The following CAMTA1 variants were observed in gnomAD, a reference collection of about 807,000 sequenced individuals.
CAMTA1 encodes calmodulin binding transcription activator 1.
Under a neutral mutation model 170.9 loss-of-function variants are expected in CAMTA1, and 27 were observed. The observed-to-expected ratio is 0.16, with a 90% CI of 0.12 to 0.22. The LOEUF is 0.22. Among genes scored for constraint, CAMTA1 ranks in the 10% least tolerant of loss-of-function variants. The pLI, the probability that CAMTA1 is intolerant of heterozygous loss-of-function variation, is 1.00. For synonymous variants in CAMTA1, 833 were observed against 891.5 expected (o/e 0.93, Z 1.17); for missense variants, 1,619 against 2,217.2 (o/e 0.73, Z 5.42).
At chr1:7,170,657 T>C (rs1218594563) in intron 4 of CAMTA1, among the ~76,000 whole-genome samples, 2 of 152,242 alleles carry the variant, frequency 1.3e-5, no homozygotes, top group Admixed American at 1.3e-4. Flanking sequence ...TTGTTTTATA[T>C]GGCTGCGTAG....
At chr1:6,954,193 C>T (rs1255647770) in intron 3 of CAMTA1, among the ~76,000 whole-genome samples, 3 of 152,310 alleles carry the variant, frequency 2.0e-5, no homozygotes, top group South Asian at 4.1e-4. Context: ...TTCTAAATGA[C>T]GCCCTGGCTG....
chr1:7,398,181 C>CTT (rs2089512754), intron 5 of CAMTA1, among the ~76,000 whole-genome samples: 1 of 45,556 alleles, frequency 2.2e-5, no homozygotes, highest in African/African-American at 8.4e-5. Context: ...CTCTCTCTCT[C>CTT]TCTCTCTCTC....
rs552768631 is a variant in CAMTA1, at chr1:6,967,146, C to T, written c.235-124158C>T. ...GTCCCAGCTGCTTGGGAAGCTGAGACAGGAGAATTGCTTGAACCCAGGAGG... is the reference window on the plus strand; with the variant it reads ...GTCCCAGCTGCTTGGGAAGCTGAGATAGGAGAATTGCTTGAACCCAGGAGG... On this transcript the variant is annotated intron_variant, in intron 3 of 22. Coordinates refer to ENST00000303635, the MANE Select transcript of CAMTA1 (RefSeq NM_015215.4). Among the ~76,000 whole-genome samples, 16 of 151,904 alleles carry T rather than the reference C, an allele frequency of 1.1e-4. No homozygotes were observed. The East Asian group carries it at 2.8e-3, about 26-fold the overall frequency.
intron 6 of CAMTA1, among the ~76,000 whole-genome samples, chr1:7,518,053 G>A (rs2094310727): frequency 6.6e-6 from 1 of 151,986 alleles, no homozygotes; most frequent in South Asian, 2.1e-4. Context: ...GGGGACAAGA[G>A]GACATATGAG....
chr1:7,159,718 A>C (rs1208313915), intron 4 of CAMTA1, among the ~76,000 whole-genome samples: 1 of 151,982 alleles, frequency 6.6e-6, no homozygotes, highest in Non-Finnish European at 1.5e-5. Flanking sequence ...TAATTAAAAA[A>C]AATTTTTTTT....
rs114448882 is a variant in CAMTA1 at position 6,904,556 on chromosome 1, T to C, written c.234+79346T>C. On this transcript the variant is annotated intron_variant, in intron 3 of 22. Transcript: ENST00000303635. The stretch of plus-strand genomic sequence containing the variant: ...AGCCTTTTTTTTTCTTTCTTTCTTT[T>C]TTTTTTTTTAATTTTTGAGACAGAG... Among the ~76,000 whole-genome samples the C allele has an allele frequency of 4.1e-3, 619 of 151,376 alleles. 5 individuals carry two copies. Among genetic ancestry groups the C allele is most frequent in the African/African-American group, 0.013 (523 of 41,338 alleles).
At chr1:7,507,806 C>A (rs2094143231) in intron 6 of CAMTA1, among the ~76,000 whole-genome samples, 1 of 152,204 alleles carries the variant, frequency 6.6e-6, no homozygotes, top group African/African-American at 2.4e-5. Flanking sequence ...GAGCGGGCAG[C>A]CTCTGCCACC....
intron 5 of CAMTA1, among the ~76,000 whole-genome samples, chr1:7,437,147 T>A (rs965507735): frequency 4.6e-5 from 7 of 151,960 alleles, no homozygotes; most frequent in African/African-American, 1.7e-4. Flanking sequence ...CCCAGCCCTA[T>A]CCTCCCCGGA....
At chr1:6,822,199 A>G (rs1293813816) in intron 2 of CAMTA1, among the ~76,000 whole-genome samples, 1 of 152,180 alleles carries the variant, frequency 6.6e-6, no homozygotes, top group African/African-American at 2.4e-5. Context: ...TTCACTCAAG[A>G]TACTATTATT....
intron 5 of CAMTA1, among the ~76,000 whole-genome samples, chr1:7,409,111 C>G (rs2090514894): frequency 6.6e-6 from 1 of 152,168 alleles, no homozygotes; most frequent in Admixed American, 6.5e-5. Flanking sequence ...ACACATGGAG[C>G]CCAAGGGCTC....
In CAMTA1 at chr1:7,738,226, C is replaced by A. The variant is rs1005638065; in HGVS notation, c.3926C>A (p.Ala1309Glu). The change falls in exon 16 of 23, where the codon GCA becomes GAA. Residue 1309 changes from alanine (A) to glutamate (E), a missense_variant. By Grantham distance (107) the Ala-to-Glu change is moderately radical. Coordinates refer to ENST00000303635, the MANE Select transcript of CAMTA1 (RefSeq NM_015215.4). The surrounding 1 kb of genome is among the most constrained non-coding windows in gnomAD (Gnocchi z 4.9). Reference protein sequence around the residue: ...ELSPPTPETAAFQASGSQPVG... With the variant: ...ELSPPTPETAEFQASGSQPVG... ...TCCCCTCCCACTCCAGAGACTGCAG[C>A]ATTTCAAGCCTCTGGATCTCAGCCT... 1.9e-6 allele frequency: 3 copies of A among 1,614,058 alleles called. No homozygotes were observed. Among genetic ancestry groups the A allele is most frequent in the Middle Eastern group, 1.6e-4 (1 of 6,062 alleles).
At position 7,761,044 on chromosome 1, in the gene CAMTA1, T is replaced by C. The variant is rs114408599; in HGVS notation, c.4989+5376T>C. On this transcript the variant is annotated intron_variant, in intron 22 of 22. Transcript: ENST00000303635. ...AAACCCTGTGGGCTTTTGCTGGCTT[T>C]CAGTGCTGTTGCTTACGACATCACT... 9.4e-3 allele frequency among the ~76,000 whole-genome samples: 1,439 copies of C among 152,324 alleles called. 16 individuals carry two copies. Among genetic ancestry groups the C allele is most frequent in the African/African-American group, 0.031 (1,303 of 41,566 alleles).
At chr1:7,440,737 C>A (rs2149405653) in intron 5 of CAMTA1, among the ~76,000 whole-genome samples, 1 of 152,332 alleles carries the variant, frequency 6.6e-6, no homozygotes, top group East Asian at 1.9e-4. Flanking sequence ...CAGAGGCAGC[C>A]TGACCAAACC....
chr1:7,073,263 T>G (rs1337158192), intron 3 of CAMTA1, among the ~76,000 whole-genome samples: 1 of 152,022 alleles, frequency 6.6e-6, no homozygotes, highest in Non-Finnish European at 1.5e-5. Context: ...GGTGTGAGTG[T>G]GGGTGTGATG....
intron 4 of CAMTA1, among the ~76,000 whole-genome samples, chr1:7,131,982 G>C (rs1010466259): frequency 6.6e-6 from 1 of 152,074 alleles, no homozygotes; most frequent in African/African-American, 2.4e-5. Context: ...CTGAACCTGG[G>C]AGGGAGGTTG....
chr1:7,710,301 C>A (rs2096559738), intron 11 of CAMTA1, among the ~76,000 whole-genome samples: 1 of 152,084 alleles, frequency 6.6e-6, no homozygotes, highest in African/African-American at 2.4e-5. Flanking sequence ...GACTGGCTTA[C>A]ATAAAAAAGG....
intron 1 of CAMTA1, among the ~76,000 whole-genome samples, chr1:6,817,131 T>C (rs964728404): frequency 1.3e-5 from 2 of 152,196 alleles, no homozygotes; most frequent in African/African-American, 2.4e-5. Flanking sequence ...GATTTACTTA[T>C]TGTTAGACTT....
intron 6 of CAMTA1, among the ~76,000 whole-genome samples, chr1:7,594,681 A>G (rs2150514074): frequency 6.6e-6 from 1 of 152,290 alleles, no homozygotes; most frequent in Non-Finnish European, 1.5e-5. Flanking sequence ...GAGGTCTGGG[A>G]CCTATTTTGA....
intron 3 of CAMTA1, among the ~76,000 whole-genome samples, chr1:6,911,663 C>G (rs1316624874): frequency 2.0e-5 from 3 of 152,198 alleles, no homozygotes; most frequent in African/African-American, 7.2e-5. Flanking sequence ...CAGATCCACC[C>G]CTCCCTTTAC....
Sources: gnomAD v4.1 joint callset for allele counts (sites outside exome capture counted in the v4.1 genomes callset) on GRCh38, gnomAD v4.1.1 for gene constraint, Gnocchi (gnomAD v3.1) non-coding constraint, MANE v1.5 for transcripts, NCBI Gene and HGNC (gene_info 2026-07-23, HGNC 2026-07-21) for gene names.